The following CPA6 variants were observed in gnomAD, a reference collection of about 807,000 sequenced individuals.
The protein encoded by CPA6 is carboxypeptidase B.
CPA6 carries 58 observed loss-of-function variants against 63.3 expected under a neutral mutation model. The observed-to-expected ratio is 0.92, with a 90% CI of 0.74 to 1.14. The LOEUF (loss-of-function observed/expected upper bound fraction) is 1.14. Among genes scored for constraint, CPA6 ranks in the 50% most tolerant of loss-of-function variants. The probability of loss-of-function intolerance (pLI) is 0.00; values close to 1 mark genes in which losing one functional copy is unlikely to be tolerated. For synonymous variants in CPA6, 185 were observed against 179.0 expected (o/e 1.03, Z -0.27); for missense variants, 565 against 526.6 (o/e 1.07, Z -0.71).
rs1812786992 is a variant in CPA6, at chr8:67,545,090, T to G, written c.193-27043A>C. On this transcript the variant is annotated intron_variant, in intron 2 of 10. Transcript: ENST00000297770. ...AATGACTATAGAGTATAAGGATTTTTGGAATAATGATATTTTATAATTATA... is the reference window on the plus strand; with the variant it reads ...AATGACTATAGAGTATAAGGATTTTGGGAATAATGATATTTTATAATTATA... 2.0e-5 allele frequency among the ~76,000 whole-genome samples: 3 copies of G among 152,228 alleles called. No homozygotes were observed. In the South Asian group the frequency reaches 6.2e-4, roughly 32 times the overall value.
At chr8:67,553,241 A>G (rs1425292409) in intron 2 of CPA6, among the ~76,000 whole-genome samples, 1 of 152,218 alleles carries the variant, frequency 6.6e-6, no homozygotes, top group Non-Finnish European at 1.5e-5. Flanking sequence ...GTGTTAAAAT[A>G]TAAAAAATGT....
intron 8 of CPA6, among the ~76,000 whole-genome samples, chr8:67,470,738 C>A (rs973975117): frequency 6.6e-6 from 1 of 151,984 alleles, no homozygotes; most frequent in African/African-American, 2.4e-5. Flanking sequence ...ATTTTGGTAC[C>A]TTTTAAAATA....
intron 2 of CPA6, among the ~76,000 whole-genome samples, chr8:67,536,665 C>T: frequency 6.6e-6 from 1 of 152,104 alleles, no homozygotes. Context: ...GACTTCCTCT[C>T]TTCCTATTTG....
chr8:67,569,514 A>G (rs1029696375), intron 2 of CPA6: 3 of 436,462 alleles, frequency 6.9e-6, no homozygotes, highest in African/African-American at 4.0e-5. Context: ...ACAGTGATGA[A>G]TCAGTACCAG....
chr8:67,665,161 T>C (rs543699388), intron 1 of CPA6, among the ~76,000 whole-genome samples: 2 of 152,186 alleles, frequency 1.3e-5, no homozygotes, highest in South Asian at 4.1e-4. Context: ...GATTTCTATT[T>C]CTTCACGGGA....
intron 8 of CPA6, 159 bp downstream of exon 8, chr8:67,483,609 G>T (rs764728887): frequency 6.5e-6 from 4 of 610,870 alleles, no homozygotes; most frequent in East Asian, 2.8e-5. Flanking sequence ...ATTTTCTTTT[G>T]CCAATTACAG....
chr8:67,736,609 C>T (rs569943691), intron 1 of CPA6, among the ~76,000 whole-genome samples: 1 of 152,290 alleles, frequency 6.6e-6, no homozygotes, highest in South Asian at 2.1e-4. Context: ...CTGCCTTTCC[C>T]CTTCTGCTCT....
chr8:67,513,592 T>C (rs1812085012), intron 3 of CPA6, among the ~76,000 whole-genome samples: 1 of 152,330 alleles, frequency 6.6e-6, no homozygotes, highest in African/African-American at 2.4e-5. Context: ...TACTTTGTTA[T>C]GGCGGCCCCA....
intron 8 of CPA6, among the ~76,000 whole-genome samples, chr8:67,462,103 C>T (rs1022877584): frequency 1.3e-5 from 2 of 151,760 alleles, no homozygotes; most frequent in African/African-American, 4.8e-5. Flanking sequence ...CTTTCTCCTT[C>T]GTCTGTCTAG....
chr8:67,742,040 G>C (rs922315608), intron 1 of CPA6, among the ~76,000 whole-genome samples: 1 of 152,126 alleles, frequency 6.6e-6, no homozygotes, highest in African/African-American at 2.4e-5. Context: ...CATTCACTCT[G>C]TTGGTCAAGT....
In CPA6 at chr8:67,745,999, T is replaced by C. The variant is rs761546850; in HGVS notation, c.116+15A>G. The C allele has an allele frequency of 3.1e-6, 5 of 1,595,284 alleles. No homozygotes were observed. The Admixed American group carries it at 5.0e-5, about 16-fold the overall frequency. ...AAATCAAAGCTGTGTAGGGCATGAA[T>C]GTCGCTCCACTTACCCAGCATAGCG... On this transcript the variant is annotated intron_variant, in intron 1 of 10. Transcript: ENST00000297770.
chr8:67,517,847 A>T lies in CPA6; in HGVS notation c.317+76T>A, dbSNP rs1018414619. 7 of 1,409,576 alleles carry T rather than the reference A, an allele frequency of 5.0e-6. No individual in the cohort carries two copies. In the South Asian group the frequency reaches 7.7e-5, roughly 15 times the overall value. The allele number at this position is 1,409,576 out of a possible 1,614,324, so 87.3% of individuals were successfully genotyped here. ...AAAACACTGTTGTAAGTACTTGATA[A>T]ATAACCTAAATACAACTACCATTTG... is the stretch of plus-strand genomic sequence containing the variant. On this transcript the variant is annotated intron_variant, in intron 3 of 10. Transcript: ENST00000297770.
chr8:67,692,838 C>A (rs1367749879), intron 1 of CPA6, among the ~76,000 whole-genome samples: 1 of 152,150 alleles, frequency 6.6e-6, no homozygotes, highest in African/African-American at 2.4e-5. Context: ...CAAATTAATA[C>A]CCAAGGTAGC....
chr8:67,620,020 G>A (rs75416230), intron 2 of CPA6, among the ~76,000 whole-genome samples: 2,934 of 152,302 alleles, frequency 0.019, 41 homozygotes, highest in East Asian at 0.034. Context: ...CCGCTGGGCT[G>A]CCTCCTCCAG....
At chr8:67,448,547 A>C (rs1191763730) in intron 8 of CPA6, among the ~76,000 whole-genome samples, 1 of 148,670 alleles carries the variant, frequency 6.7e-6, no homozygotes, top group Non-Finnish European at 1.5e-5. Context: ...TGGAAGTATC[A>C]CCTCACCCCA....
chr8:67,537,491 A>C (rs1479661727), intron 2 of CPA6, among the ~76,000 whole-genome samples: 3 of 152,142 alleles, frequency 2.0e-5, no homozygotes, highest in African/African-American at 7.2e-5. Flanking sequence ...AGAGGTGTTT[A>C]TAGTATTCTC....
chr8:67,542,979 A>G (rs1812738565), intron 2 of CPA6, among the ~76,000 whole-genome samples: 1 of 152,164 alleles, frequency 6.6e-6, no homozygotes. Flanking sequence ...CCATATCTAT[A>G]TTAATTATTT....
intron 8 of CPA6, among the ~76,000 whole-genome samples, chr8:67,458,198 C>CT (rs56706322): frequency 6.6e-6 from 1 of 151,890 alleles, no homozygotes; most frequent in East Asian, 1.9e-4. Flanking sequence ...ATGGCGATCA[C>CT]TTTATTTATT....
intron 1 of CPA6, among the ~76,000 whole-genome samples, chr8:67,671,361 C>A (rs1476362516): frequency 1.3e-5 from 2 of 152,206 alleles, no homozygotes; most frequent in South Asian, 4.1e-4. Flanking sequence ...CTCCCCCATC[C>A]CCACTGCAGC....
Sources: allele counts gnomAD v4.1 joint callset (sites outside exome capture counted in the v4.1 genomes callset), GRCh38; gene constraint gnomAD v4.1.1; transcripts MANE v1.5; gene names NCBI Gene and HGNC (gene_info 2026-07-23, HGNC 2026-07-21).